The following DLG2 variants were observed in gnomAD, a reference collection of about 807,000 sequenced individuals.
DLG2 encodes discs large MAGUK scaffold protein 2.
In DLG2, 45 loss-of-function variants were observed where a neutral mutation model predicts 132.5. The observed-to-expected ratio is 0.34, with a 90% confidence interval of 0.27 to 0.44. The LOEUF (loss-of-function observed/expected upper bound fraction) is 0.44. DLG2 is among the 20% of genes least tolerant of loss of function. The probability of loss-of-function intolerance (pLI) is 1.00; values close to 1 mark genes in which losing one functional copy is unlikely to be tolerated. For missense variants in DLG2, 1,045 were observed against 1,196.9 expected, an observed-to-expected ratio of 0.87 and a Z score of 1.87; for synonymous variants, 424 against 419.6, an observed-to-expected ratio of 1.01 and a Z score of -0.13.
chr11:84,350,178 C>CG (rs2098557025), intron 7 of DLG2, among the ~76,000 whole-genome samples: 1 of 143,234 alleles, frequency 7.0e-6, no homozygotes, highest in Non-Finnish European at 1.5e-5. Context: ...ACTTCGTCCC[C>CG]CCCCCCAAAA....
At chr11:84,896,993 G>A (rs772183965) in intron 6 of DLG2, among the ~76,000 whole-genome samples, 3 of 151,764 alleles carry the variant, frequency 2.0e-5, no homozygotes, top group Non-Finnish European at 4.4e-5. Context: ...ATTATAAAAT[G>A]AGTTTCTATG....
chr11:84,849,381 T>C (rs2154020693), intron 6 of DLG2, among the ~76,000 whole-genome samples: 1 of 152,270 alleles, frequency 6.6e-6, no homozygotes, highest in South Asian at 2.1e-4. Flanking sequence ...TAGAATACCA[T>C]CCAAAATCTA....
At chr11:85,250,346 TA>T (rs902655350) in intron 4 of DLG2, among the ~76,000 whole-genome samples, 5 of 152,214 alleles carry the variant, frequency 3.3e-5, no homozygotes, top group Admixed American at 3.3e-4. Context: ...TGCTCTAGGT[TA>T]ATGTACAATT....
intron 6 of DLG2, among the ~76,000 whole-genome samples, chr11:84,824,296 T>C (rs1415047500): frequency 6.6e-6 from 1 of 151,922 alleles, no homozygotes; most frequent in Non-Finnish European, 1.5e-5. Context: ...TATGGAGGAT[T>C]CAGAGGATTT....
intron 3 of DLG2, among the ~76,000 whole-genome samples, chr11:85,397,196 A>G (rs777797866): frequency 6.6e-6 from 1 of 152,196 alleles, no homozygotes; most frequent in East Asian, 1.9e-4. Context: ...TAAGAGAATG[A>G]GAAATAAAAT....
intron 7 of DLG2, among the ~76,000 whole-genome samples, chr11:84,290,714 G>C (rs2097981308): frequency 6.6e-6 from 1 of 152,112 alleles, no homozygotes; most frequent in Non-Finnish European, 1.5e-5. Context: ...GGGTCTTAAA[G>C]CTTGCTATTT....
At chr11:84,862,412 C>T (rs78387616) in intron 6 of DLG2, among the ~76,000 whole-genome samples, 14,226 of 151,944 alleles carry the variant, frequency 0.094, 765 homozygotes, top group Non-Finnish European at 0.11. Flanking sequence ...GACAGTGTGG[C>T]GATTCCTCAA....
intron 19 of DLG2, among the ~76,000 whole-genome samples, chr11:83,595,294 C>G (rs551886399): frequency 6.6e-6 from 1 of 152,256 alleles, no homozygotes; most frequent in Non-Finnish European, 1.5e-5. Flanking sequence ...TGTATTAAGT[C>G]TTTTCTCTTA....
chr11:84,328,007 T>C (rs984428501), intron 7 of DLG2, among the ~76,000 whole-genome samples: 1 of 152,186 alleles, frequency 6.6e-6, no homozygotes, highest in African/African-American at 2.4e-5. Context: ...ATCCTGGGTG[T>C]ATTGTTTCCA....
intron 14 of DLG2, among the ~76,000 whole-genome samples, chr11:83,944,588 T>G (rs754120393): frequency 1.3e-5 from 2 of 152,164 alleles, no homozygotes; most frequent in Non-Finnish European, 2.9e-5. Flanking sequence ...ATAACAGAAC[T>G]AGATGGAAGA....
chr11:84,502,385 T>C (rs1054679405), intron 7 of DLG2, among the ~76,000 whole-genome samples: 1 of 100,480 alleles, frequency 1.0e-5, no homozygotes. Flanking sequence ...TTTCTTTCTT[T>C]CTTTCTTTCT....
rs577351265 is a variant in DLG2, at chr11:83,605,347, C to T, written c.1940+27864G>A. On this transcript the variant is annotated intron_variant, in intron 19 of 27. Transcript: ENST00000376104. ...TCTAACAGGGGAAATGAGCTTTTTA[C>T]GACCCACTCGGCAATGGTATTTAAT... 1.2e-4 allele frequency among the ~76,000 whole-genome samples: 18 copies of T among 152,250 alleles called. No homozygotes were observed. In the East Asian group the frequency reaches 2.5e-3, roughly 21 times the overall value.
intron 6 of DLG2, among the ~76,000 whole-genome samples, chr11:84,542,647 A>G (rs1404608955): frequency 6.6e-6 from 1 of 152,312 alleles, no homozygotes; most frequent in Non-Finnish European, 1.5e-5. Flanking sequence ...TCTAGAAGCA[A>G]GAAGTTGGTA....
chr11:83,535,677 C>T (rs1406375166), intron 20 of DLG2, among the ~76,000 whole-genome samples: 3 of 151,932 alleles, frequency 2.0e-5, no homozygotes, highest in Non-Finnish European at 4.4e-5. Context: ...AAAATTGAAG[C>T]CATATGGAGG....
intron 3 of DLG2, among the ~76,000 whole-genome samples, chr11:85,484,436 A>T (rs1349445444): frequency 2.0e-5 from 3 of 150,934 alleles, no homozygotes; most frequent in Non-Finnish European, 4.4e-5. Context: ...GGGAGAAAAT[A>T]TTCGCAACCT....
intron 6 of DLG2, among the ~76,000 whole-genome samples, chr11:84,719,039 G>C (rs937096248): frequency 6.6e-6 from 1 of 152,184 alleles, no homozygotes; most frequent in Admixed American, 6.5e-5. Flanking sequence ...GAGCTGGCAG[G>C]TGCCTCAGAG....
chr11:84,582,847 G>C (rs2099519888), intron 6 of DLG2, among the ~76,000 whole-genome samples: 1 of 152,170 alleles, frequency 6.6e-6, no homozygotes, highest in Admixed American at 6.6e-5. Flanking sequence ...GTGGGATTTA[G>C]ACTGGACACA....
intron 19 of DLG2, among the ~76,000 whole-genome samples, chr11:83,591,054 T>C (rs1042346397): frequency 1.1e-4 from 17 of 152,212 alleles, no homozygotes; most frequent in African/African-American, 3.1e-4. Flanking sequence ...CCGAATTCTA[T>C]CAGAGGTACA....
Position 85,428,488 on chromosome 11 carries a change from T to C in DLG2, c.41-143123A>G, listed in dbSNP as rs539329866. ...ATTAAGAAACTCACTCAAAACCACATAACTACATGGAAACTGAACAACCTG... is the reference window on the plus strand; with the variant it reads ...ATTAAGAAACTCACTCAAAACCACACAACTACATGGAAACTGAACAACCTG... On this transcript the variant is annotated intron_variant, in intron 3 of 27. Coordinates refer to ENST00000376104, the MANE Select transcript of DLG2 (RefSeq NM_001142699.3). Among the ~76,000 whole-genome samples the C allele has an allele frequency of 3.1e-3, 466 of 152,148 alleles. 1 individual carries two copies. Among genetic ancestry groups the C allele is most frequent in the African/African-American group, 0.011 (445 of 41,514 alleles).
Sources: gnomAD v4.1 joint callset for allele counts (sites outside exome capture counted in the v4.1 genomes callset) on GRCh38, gnomAD v4.1.1 for gene constraint, MANE v1.5 for transcripts, NCBI Gene and HGNC (gene_info 2026-07-23, HGNC 2026-07-21) for gene names.